TAFA2: variants seen among roughly 807,000 people sequenced by gnomAD.
The protein encoded by TAFA2 is TAFA chemokine like family member 2, also known as chemokine-like protein TAFA-2.
A neutral mutation model predicts 18.8 loss-of-function variants in TAFA2; 7 were observed. That is an observed-to-expected ratio of 0.37 (90% CI 0.21 to 0.70). TAFA2 has a LOEUF of 0.70. Among genes scored for constraint, TAFA2 ranks in the 30% least tolerant of loss-of-function variants. The pLI is 0.53. For missense variants in TAFA2, 122 were observed against 158.1 expected, an observed-to-expected ratio of 0.77 and a Z score of 1.23; for synonymous variants, 60 against 54.2, an observed-to-expected ratio of 1.11 and a Z score of -0.47.
chr12:61,750,193 G>T (rs1306148424), intron 4 of TAFA2, among the ~76,000 whole-genome samples: 1 of 152,022 alleles, frequency 6.6e-6, no homozygotes, highest in Non-Finnish European at 1.5e-5. Flanking sequence ...CCTTTGAAAA[G>T]TTCTTTATTT....
At chr12:61,725,344 G>A (rs549182782) in intron 4 of TAFA2, among the ~76,000 whole-genome samples, 86 of 151,896 alleles carry the variant, frequency 5.7e-4, no homozygotes, top group Middle Eastern at 3.4e-3. Context: ...GTTCTTTGTC[G>A]TGAATTCTTT....
intron 1 of TAFA2, among the ~76,000 whole-genome samples, chr12:62,011,766 A>AAAAAAAAAAG (rs1565715431): frequency 2.7e-5 from 4 of 148,452 alleles, no homozygotes; most frequent in Non-Finnish European, 1.5e-5. Context: ...AAAAAAAAAA[A>AAAAAAAAAAG]AAAGAAAAGA....
At chr12:62,083,244 C>T (rs1168906732) in intron 1 of TAFA2, among the ~76,000 whole-genome samples, 2 of 151,212 alleles carry the variant, frequency 1.3e-5, no homozygotes, top group Non-Finnish European at 2.9e-5. Flanking sequence ...TGCATATGAG[C>T]TTATCTGAAT....
intron 2 of TAFA2, among the ~76,000 whole-genome samples, chr12:61,853,004 T>C (rs919888157): frequency 1.3e-5 from 2 of 152,212 alleles, no homozygotes; most frequent in Non-Finnish European, 2.9e-5. Flanking sequence ...TAGTTAGCAA[T>C]GTATTTTATA....
intron 1 of TAFA2, among the ~76,000 whole-genome samples, chr12:62,188,859 A>G (rs988508131): frequency 3.3e-5 from 5 of 152,218 alleles, no homozygotes; most frequent in Non-Finnish European, 7.4e-5. Context: ...ATCACATTTT[A>G]TAACTTGGTG....
At chr12:62,243,363 G>C (rs965475861) in intron 1 of TAFA2, among the ~76,000 whole-genome samples, 1 of 152,154 alleles carries the variant, frequency 6.6e-6, no homozygotes, top group African/African-American at 2.4e-5. Context: ...ATTTATAAAT[G>C]CATGTTATGT....
intron 1 of TAFA2, among the ~76,000 whole-genome samples, chr12:62,001,582 G>T (rs2136701147): frequency 6.6e-6 from 1 of 152,144 alleles, no homozygotes; most frequent in Non-Finnish European, 1.5e-5. Context: ...GCTCCTATGA[G>T]AATCTAATGC....
chr12:61,751,796 C>T (rs890134742), intron 4 of TAFA2, among the ~76,000 whole-genome samples: 5 of 151,914 alleles, frequency 3.3e-5, no homozygotes, highest in Non-Finnish European at 7.4e-5. Flanking sequence ...AGCAGACACT[C>T]CATTTTAAAT....
At chr12:61,803,196 G>A (rs1871466870) in intron 2 of TAFA2, among the ~76,000 whole-genome samples, 1 of 151,908 alleles carries the variant, frequency 6.6e-6, no homozygotes, top group South Asian at 2.1e-4. Flanking sequence ...TATATTAAAT[G>A]ACTGGCAATA....
intron 1 of TAFA2, among the ~76,000 whole-genome samples, chr12:61,958,676 C>T (rs1286920633): frequency 2.0e-5 from 3 of 151,922 alleles, no homozygotes; most frequent in Admixed American, 6.6e-5. Flanking sequence ...GTCTTGCCAA[C>T]TTTCTTGTTT....
intron 1 of TAFA2, among the ~76,000 whole-genome samples, chr12:61,925,211 G>T (rs1877235278): frequency 6.6e-6 from 1 of 152,124 alleles, no homozygotes; most frequent in Non-Finnish European, 1.5e-5. Context: ...TTCAGGACTT[G>T]AACTCAGCTC....
chr12:62,113,959 A>C (rs1869846190), intron 1 of TAFA2, among the ~76,000 whole-genome samples: 3 of 152,052 alleles, frequency 2.0e-5, no homozygotes, highest in Admixed American at 1.3e-4. Context: ...GAGCTAGACC[A>C]CTTGGCTCCC....
chr12:61,863,731 C>T (rs1487298955), intron 2 of TAFA2, among the ~76,000 whole-genome samples: 1 of 152,146 alleles, frequency 6.6e-6, no homozygotes, highest in Non-Finnish European at 1.5e-5. Context: ...GGGCTGTGCA[C>T]CTTTCCTCCA....
intron 1 of TAFA2, among the ~76,000 whole-genome samples, chr12:61,999,089 T>A (rs1880293759): frequency 6.6e-6 from 1 of 152,214 alleles, no homozygotes; most frequent in African/African-American, 2.4e-5. Flanking sequence ...TCTAGAGATT[T>A]CATTTAAGAC....
intron 2 of TAFA2, among the ~76,000 whole-genome samples, chr12:61,760,227 G>A (rs1250857334): frequency 2.0e-5 from 3 of 151,192 alleles, no homozygotes; most frequent in Non-Finnish European, 1.5e-5. Context: ...GAGAAGAGAG[G>A]TAACCTTTTA....
In TAFA2 at chr12:61,755,041, G is replaced by C. The variant is rs56974293; in HGVS notation, c.107-17C>G. On this transcript the variant is annotated splice_polypyrimidine_tract_variant and intron_variant, in intron 2 of 4. Transcript: ENST00000416284. ...CATGGTGAGCTGCACAAACAAAAAA[G>C]ATAAGACAACATTGAGAAAGCTTTG... The C allele has an allele frequency of 5.0e-6, 8 of 1,611,364 alleles. No individual in the cohort carries two copies. In the African/African-American group the frequency reaches 5.3e-5, roughly 11 times the overall value.
chr12:62,250,600 T>C (rs893269491), intron 1 of TAFA2, among the ~76,000 whole-genome samples: 2 of 152,142 alleles, frequency 1.3e-5, no homozygotes, highest in East Asian at 1.9e-4. Context: ...AAAAAATAGG[T>C]ATTATGTCTT....
At chr12:62,157,486 A>T (rs914994823) in intron 1 of TAFA2, among the ~76,000 whole-genome samples, 2 of 152,196 alleles carry the variant, frequency 1.3e-5, no homozygotes, top group Non-Finnish European at 1.5e-5. Context: ...TTTGGAAAGC[A>T]TCTGAAAACA....
chr12:61,960,280 C>A (rs1878837919), intron 1 of TAFA2, among the ~76,000 whole-genome samples: 1 of 151,702 alleles, frequency 6.6e-6, no homozygotes, highest in South Asian at 2.1e-4. Flanking sequence ...TTCAGTGGTC[C>A]TTCTGTGCTC....
Sources: gnomAD v4.1 joint callset for allele counts (sites outside exome capture counted in the v4.1 genomes callset) on GRCh38, gnomAD v4.1.1 for gene constraint, MANE v1.5 for transcripts, NCBI Gene and HGNC (gene_info 2026-07-23, HGNC 2026-07-21) for gene names.